RNF38: variants seen among roughly 807,000 people sequenced by gnomAD.
RNF38 encodes the protein E3 ubiquitin-protein ligase RNF38.
A neutral mutation model predicts 67.2 loss-of-function variants in RNF38; 15 were observed. That is an observed-to-expected ratio of 0.22 (90% CI 0.15 to 0.34). RNF38 has a LOEUF of 0.34. Ranked by LOEUF, RNF38 falls within the 10% of genes least tolerant of loss-of-function variation. The probability of loss-of-function intolerance (pLI) is 1.00; values close to 1 mark genes in which losing one functional copy is unlikely to be tolerated. For synonymous variants in RNF38, 220 were observed against 218.8 expected, an observed-to-expected ratio of 1.01 and a Z score of -0.05; for missense variants, 524 against 639.9, an observed-to-expected ratio of 0.82 and a Z score of 1.95.
At chr9:36,474,446 G>A (rs989191851) in intron 1 of RNF38, among the ~76,000 whole-genome samples, 5 of 148,814 alleles carry the variant, frequency 3.4e-5, no homozygotes, top group African/African-American at 1.2e-4. Context: ...CTTATATTCA[G>A]TCTTTTGTTA....
upstream of RNF38, chr9:36,487,607 G>A (rs1490953037): frequency 1.0e-6 from 1 of 978,818 alleles, no homozygotes; most frequent in African/African-American, 1.8e-5. Flanking sequence ...ACTCCGGCGC[G>A]GCAGGCGCTG....
At chr9:36,351,384 G>A (rs1833679199) in intron 8 of RNF38, among the ~76,000 whole-genome samples, 185 bp from the exon 9 acceptor site, 1 of 152,164 alleles carries the variant, frequency 6.6e-6, no homozygotes. Context: ...ATAACTTAAA[G>A]GTGAATAAAC....
At chr9:36,347,546 C>A (rs1833360379) in intron 9 of RNF38, among the ~76,000 whole-genome samples, 1 of 152,168 alleles carries the variant, frequency 6.6e-6, no homozygotes, top group African/African-American at 2.4e-5. Flanking sequence ...GTTACTATTG[C>A]ACTTGTTTTG....
chr9:36,393,875 G>A (rs1837327907), intron 1 of RNF38, among the ~76,000 whole-genome samples: 1 of 152,094 alleles, frequency 6.6e-6, no homozygotes, highest in Admixed American at 6.6e-5. Flanking sequence ...CAGCTTCTAG[G>A]AGCTGAAAGC....
Position 36,420,532 on chromosome 9 carries a change from C to CAAAAAAAAAA in RNF38, n.312+4071_312+4080dup, listed in dbSNP as rs59641483. Among the ~76,000 whole-genome samples the CAAAAAAAAAA allele has an allele frequency of 1.2e-3, 86 of 73,374 alleles. 10 individuals carry two copies. Among genetic ancestry groups the CAAAAAAAAAA allele is most frequent in the Non-Finnish European group, 1.7e-3 (53 of 31,178 alleles). 48.1% of individuals were successfully genotyped at this position (73,374 alleles called of 152,430 possible). On this transcript the variant is annotated intron_variant and non_coding_transcript_variant, in intron 2 of 3. Coordinates refer to the RNF38 transcript ENST00000488058. Reference sequence around the variant, plus strand: ...GGGCAACAGAGCAAGACTCTGTCTCCAAAAAAAAAAAAAAAGAGGACAACC... The same window carrying CAAAAAAAAAA: ...GGGCAACAGAGCAAGACTCTGTCTCCAAAAAAAAAAAAAAAAAAAAAAAAAGAGGACAACC...
intron 2 of RNF38, among the ~76,000 whole-genome samples, chr9:36,386,905 C>A (rs534849525): frequency 2.6e-5 from 4 of 152,200 alleles, no homozygotes; most frequent in Non-Finnish European, 5.9e-5. Flanking sequence ...CGGATTCAAG[C>A]GATTCTTGTG....
chr9:36,343,446 G>A (rs1004736581), intron 10 of RNF38, among the ~76,000 whole-genome samples: 28 of 152,044 alleles, frequency 1.8e-4, no homozygotes, highest in African/African-American at 6.3e-4. Context: ...ATGAAGCAAG[G>A]ATCAGAATAG....
At chr9:36,339,961 C>T in intron 11 of RNF38, 147 bp from the exon 12 acceptor site, 1 of 688,686 alleles carries the variant, frequency 1.5e-6, no homozygotes, top group Non-Finnish European at 2.4e-6. Flanking sequence ...TTTTTTAACC[C>T]ATAAACCTCC....
At chr9:36,390,422 T>C (rs377347790) in intron 2 of RNF38, 45 bp downstream of exon 2, 89 of 1,530,728 alleles carry the variant, frequency 5.8e-5, no homozygotes, top group Non-Finnish European at 7.4e-5. Context: ...CACTGTAGAA[T>C]GTGACTTTCA....
In RNF38 at chr9:36,393,476, A is replaced by AT. The variant is rs34963559; in HGVS notation, c.13-2861dup. ...AGGTAAAATAAAATCACACACACAC[A>AT]TTGTGTGTGTGTGTGTGTGTGTGTG... On this transcript the variant is annotated intron_variant, in intron 1 of 11. Transcript: ENST00000259605. 7.8e-5 allele frequency among the ~76,000 whole-genome samples: 3 copies of AT among 38,600 alleles called. No individual in the cohort carries two copies. The South Asian group carries it at 3.3e-3, about 42-fold the overall frequency. The allele number at this position is 38,600 out of a possible 152,430, so 25.3% of individuals were successfully genotyped here. A position where few individuals can be genotyped will look rare whatever the true frequency, so the allele number is the denominator to read the frequency against.
chr9:36,447,689 T>C (rs1212570486), intron 1 of RNF38, among the ~76,000 whole-genome samples: 3 of 152,170 alleles, frequency 2.0e-5, no homozygotes, highest in Non-Finnish European at 4.4e-5. Flanking sequence ...CTTGGTACAG[T>C]ATTCAAAATA....
At chr9:36,438,484 T>C (rs1839120876) in intron 1 of RNF38, among the ~76,000 whole-genome samples, 1 of 151,994 alleles carries the variant, frequency 6.6e-6, no homozygotes, top group African/African-American at 2.4e-5. Flanking sequence ...AAGACAATTC[T>C]TCTTCTTCCA....
At chr9:36,469,117 AG>A in intron 1 of RNF38, among the ~76,000 whole-genome samples, 1 of 152,266 alleles carries the variant, frequency 6.6e-6, no homozygotes, top group Non-Finnish European at 1.5e-5. Context: ...ATCTCAAAAA[AG>A]TAAAACCTTA....
intron 8 of RNF38, among the ~76,000 whole-genome samples, chr9:36,351,914 T>C (rs896835370): frequency 8.5e-5 from 13 of 152,186 alleles, no homozygotes; most frequent in South Asian, 4.1e-4. Context: ...TTAGATCTTA[T>C]ACAGGAAGCC....
intron 3 of RNF38, among the ~76,000 whole-genome samples, chr9:36,375,495 TC>T (rs1411126574): frequency 6.6e-6 from 1 of 152,166 alleles, no homozygotes; most frequent in African/African-American, 2.4e-5. Context: ...GTGCCAAGTC[TC>T]CATGGGTTTA....
At chr9:36,481,161 C>G (rs963824365) in intron 1 of RNF38, among the ~76,000 whole-genome samples, 32 of 151,444 alleles carry the variant, frequency 2.1e-4, no homozygotes, top group African/African-American at 7.5e-4. Context: ...ATTACACGTG[C>G]GTGCCACCAC....
rs78746831 is a variant in RNF38 at position 36,415,219 on chromosome 9, T to C, written n.312+9394A>G. ...ATCGTTTAACATAATCTCAAACTTA[T>C]TGGAGGCTTTATTCAGTTTTTTTCT... On this transcript the variant is annotated intron_variant and non_coding_transcript_variant, in intron 2 of 3. Coordinates refer to the RNF38 transcript ENST00000488058. Among the ~76,000 whole-genome samples, 601 of 152,322 alleles carry C rather than the reference T, an allele frequency of 3.9e-3. 3 individuals are homozygous for C. Among genetic ancestry groups the C allele is most frequent in the African/African-American group, 0.013 (552 of 41,582 alleles).
At chr9:36,384,386 GATC>G (rs1360584450) in intron 2 of RNF38, among the ~76,000 whole-genome samples, 1 of 152,162 alleles carries the variant, frequency 6.6e-6, no homozygotes, top group Non-Finnish European at 1.5e-5. Flanking sequence ...TTGATATACA[GATC>G]ATCATTCATG....
intron 4 of RNF38, among the ~76,000 whole-genome samples, chr9:36,364,460 C>T (rs1394524556): frequency 6.6e-6 from 1 of 151,970 alleles, no homozygotes; most frequent in Non-Finnish European, 1.5e-5. Flanking sequence ...TGTATCTAAA[C>T]ACAAAAAAGA....
Sources: gnomAD v4.1 joint callset for allele counts (sites outside exome capture counted in the v4.1 genomes callset) on GRCh38, gnomAD v4.1.1 for gene constraint, MANE v1.5 for transcripts, NCBI Gene and HGNC (gene_info 2026-07-23, HGNC 2026-07-21) for gene names.